The following SLC4A11 variants were observed in gnomAD, a reference collection of about 807,000 sequenced individuals.
SLC4A11 encodes the protein bicarbonate transporter related protein 1.
A neutral mutation model predicts 95.0 loss-of-function variants in SLC4A11; 74 were observed. That is an observed-to-expected ratio of 0.78 (90% CI 0.65 to 0.95). SLC4A11 has a LOEUF of 0.95. Among genes scored for constraint, SLC4A11 ranks in the 40% least tolerant of loss-of-function variants. The pLI, the probability that SLC4A11 is intolerant of heterozygous loss-of-function variation, is 0.00. For missense variants in SLC4A11, 1,081 were observed against 1,192.4 expected (o/e 0.91, Z 1.38); for synonymous variants, 548 against 519.0 (o/e 1.06, Z -0.76).
At chr20:3,238,897 C>A (rs2068071962) in intron 1 of SLC4A11, 198 bp downstream of exon 1, 2 of 1,252,890 alleles carry the variant, frequency 1.6e-6, no homozygotes, top group Admixed American at 4.4e-5. Context: ...ACCAAGCGCG[C>A]GGTGGCCGCG....
Position 3,234,372 on chromosome 20 carries a change from C to G in SLC4A11, c.292-58G>C. The G allele has an allele frequency of 1.3e-6, 2 of 1,555,954 alleles. No individual in the cohort carries two copies. Among genetic ancestry groups the G allele is most frequent in the South Asian group, 2.2e-5 (2 of 89,526 alleles). On this transcript the variant is annotated intron_variant, in intron 4 of 19. Transcript: ENST00000642402. The surrounding 1 kb of genome is among the most constrained non-coding windows in gnomAD (Gnocchi z 5.8). The stretch of plus-strand genomic sequence containing the variant: ...CCCATGTATGAGATGCTGTCACTGC[C>G]TGGTCCCTCCCTCCCAGCCAGCCGC...
chr20:3,234,778 C>G lies in SLC4A11; in HGVS notation c.205G>C (p.Val69Leu), dbSNP rs763440662. The change falls in exon 3 of 20, where the codon GTC becomes CTC. Residue 69 changes from valine (V) to leucine (L), a missense_variant. Around this residue, in one of 3 missense-constraint regions of SLC4A11, gnomAD observed 310 missense variants for 313.5 expected, o/e 0.99. Transcript: ENST00000642402. The surrounding 1 kb of genome is among the most constrained non-coding windows in gnomAD (Gnocchi z 5.8). ...GCCTGCATCTCAAGGTTGACATTGA[C>G]AAAAAAACGGATACTCTCGCCAGAC... Reference protein sequence around the residue: ...IVSGESIRFFVNVNLEMQATN... With the variant: ...IVSGESIRFFLNVNLEMQATN... The G allele has an allele frequency of 2.5e-6, 4 of 1,613,754 alleles. No homozygotes were observed. The East Asian group carries it at 8.9e-5, about 36-fold the overall frequency.
At chr20:3,235,741 C>G (rs2067962331) in intron 2 of SLC4A11, among the ~76,000 whole-genome samples, 1 of 152,064 alleles carries the variant, frequency 6.6e-6, no homozygotes, top group African/African-American at 2.4e-5. Context: ...GCCCTGAGCC[C>G]TGCAGTGGCT....
chr20:3,233,811 C>T (rs542870391), intron 6 of SLC4A11, 110 bp downstream of exon 6: 24 of 1,514,630 alleles, frequency 1.6e-5, no homozygotes, highest in South Asian at 3.4e-5. Context: ...TTGGTTGGGC[C>T]GCCAGAGCCC....
intron 7 of SLC4A11, among the ~76,000 whole-genome samples, chr20:3,232,621 G>A (rs1056369705): frequency 2.0e-5 from 3 of 152,250 alleles, no homozygotes; most frequent in African/African-American, 4.8e-5. Flanking sequence ...GCTGAGGCGG[G>A]AGAATCGCTT....
At chr20:3,236,658 C>T (rs1204159067) in intron 2 of SLC4A11, among the ~76,000 whole-genome samples, 1 of 152,134 alleles carries the variant, frequency 6.6e-6, no homozygotes, top group East Asian at 1.9e-4. Flanking sequence ...TGATAAACTC[C>T]TTCCTCCCCG....
In SLC4A11 at chr20:3,228,932, G is replaced by A. The variant is rs1490995726; in HGVS notation, c.2098C>T (p.Pro700Ser). The change falls in exon 17 of 20, where the codon CCT becomes TCT. Residue 700 changes from proline (P) to serine (S), a missense_variant. By Grantham distance (74) the Pro-to-Ser change is moderately conservative. Transcript: ENST00000642402. ...INTGLSLFGL[P>S]WIHAAYPHSP... ...TGGGGGTAGGCGGCATGGATCCAAG[G>A]CAGCCCAAACAGAGACAGCCCTGTG... The A allele has an allele frequency of 1.2e-6, 2 of 1,613,978 alleles. No individual in the cohort carries two copies. The highest frequency in any genetic ancestry group is 1.1e-5 in the South Asian group (1 of 91,080).
At position 3,228,579 on chromosome 20, in the gene SLC4A11, T is replaced by C. The variant is rs1284332406; in HGVS notation, c.2321A>G (p.Tyr774Cys). The change falls in exon 18 of 20, where the codon TAC becomes TGC. Residue 774 changes from tyrosine to cysteine, a missense_variant. Coordinates refer to ENST00000642402, the MANE Select transcript of SLC4A11 (RefSeq NM_001174089.2). ...GCCATCGAGGGAGGTGAGCGCGATG[T>C]AGAGGAAGAGGCCATAGAGCACGGG... ...PKPVLYGLFL[Y>C]IALTSLDGNQ... The C allele has an allele frequency of 6.2e-7, 1 of 1,613,116 alleles. No homozygotes were observed. The highest frequency in any genetic ancestry group is 8.5e-7 in the Non-Finnish European group (1 of 1,179,970).
In SLC4A11 at chr20:3,231,278, C is replaced by G; in HGVS notation, c.949-36G>C. On this transcript the variant is annotated intron_variant, in intron 8 of 19. Transcript: ENST00000642402. This position sits in a 1 kb window ranked among gnomAD's most constrained non-coding sequence, Gnocchi z 5.2. ...GGACAGAGCGCCTGTTAGCCCTGTC[C>G]GGCCCATGCCCCCGCCGACCCTGCC... 3.1e-6 allele frequency: 5 copies of G among 1,613,404 alleles called. No homozygotes were observed. The highest frequency in any genetic ancestry group is 3.4e-6 in the Non-Finnish European group (4 of 1,179,868).
Position 3,234,916 on chromosome 20 carries a change from A to G in SLC4A11, c.89-22T>C. ...TAGCCTAGAGACCCCCAAGAGCAAG[A>G]GGGCCTGGCTGTTAAAGTGCCACAC... On this transcript the variant is annotated intron_variant, in intron 2 of 19. Coordinates refer to ENST00000642402, the MANE Select transcript of SLC4A11 (RefSeq NM_001174089.2). The surrounding 1 kb of genome is among the most constrained non-coding windows in gnomAD (Gnocchi z 5.8). 2 of 1,613,650 alleles carry G rather than the reference A, an allele frequency of 1.2e-6. No homozygotes were observed. The highest frequency in any genetic ancestry group is 1.7e-6 in the Non-Finnish European group (2 of 1,179,946).
In SLC4A11 at chr20:3,228,655, C is replaced by A. The variant is rs1157108936; in HGVS notation, c.2245G>T (p.Val749Leu). The A allele has an allele frequency of 6.2e-7, 1 of 1,613,004 alleles. No homozygotes were observed. Among genetic ancestry groups the A allele is most frequent in the Non-Finnish European group, 8.5e-7 (1 of 1,179,930 alleles). ...RLTSLGASVL[V>L]GLSLLLLPVP... The stretch of plus-strand genomic sequence containing the variant: ...GGCAGCAGCAACAGGGACAGGCCCA[C>A]CAGGACGCTGGCGCCCAGCGAGGTC... Residue 749 changes from valine to leucine, a missense_variant, in exon 18 of 20, where the codon GTG (valine) becomes TTG (leucine). By Grantham distance (32) the Val-to-Leu change is conservative. Coordinates refer to ENST00000642402, the MANE Select transcript of SLC4A11 (RefSeq NM_001174089.2).
chr20:3,232,773 T>C (rs981646506), intron 7 of SLC4A11, among the ~76,000 whole-genome samples: 4 of 152,198 alleles, frequency 2.6e-5, no homozygotes, highest in Non-Finnish European at 4.4e-5. Flanking sequence ...AACTAGTCCA[T>C]GCTCCTGAGG....
At chr20:3,233,399 G>T in intron 7 of SLC4A11, 115 bp downstream of exon 7, 1 of 1,497,246 alleles carries the variant, frequency 6.7e-7, no homozygotes, top group Non-Finnish European at 9.2e-7. Flanking sequence ...CCGAGGCGAA[G>T]GGGAGGGTGA....
intron 2 of SLC4A11, among the ~76,000 whole-genome samples, chr20:3,235,689 T>G (rs1436024864): frequency 1.3e-5 from 2 of 152,032 alleles, no homozygotes; most frequent in African/African-American, 4.8e-5. Flanking sequence ...CACACCCCTC[T>G]TCCTACAGGA....
In SLC4A11 at chr20:3,234,777, A is replaced by G; in HGVS notation, c.206T>C (p.Val69Ala). ...IVSGESIRFFVNVNLEMQATN... is the reference protein window; with the variant it reads ...IVSGESIRFFANVNLEMQATN... Reference sequence around the variant, plus strand: ...GGCCTGCATCTCAAGGTTGACATTGACAAAAAAACGGATACTCTCGCCAGA... The same window carrying G: ...GGCCTGCATCTCAAGGTTGACATTGGCAAAAAAACGGATACTCTCGCCAGA... The change falls in exon 3 of 20, where the codon GTC becomes GCC. Residue 69 changes from valine (V) to alanine (A), a missense_variant. This residue lies in a region of SLC4A11 where 310 missense variants were observed against 313.5 expected (regional missense o/e 0.99). Coordinates refer to ENST00000642402, the MANE Select transcript of SLC4A11 (RefSeq NM_001174089.2). This position sits in a 1 kb window ranked among gnomAD's most constrained non-coding sequence, Gnocchi z 5.8. 1.2e-6 allele frequency: 2 copies of G among 1,613,948 alleles called. No homozygotes were observed. The highest frequency in any genetic ancestry group is 1.7e-6 in the Non-Finnish European group (2 of 1,179,988).
intron 1 of SLC4A11, chr20:3,238,767 G>A (rs555375846): frequency 9.0e-7 from 1 of 1,111,428 alleles, no homozygotes; most frequent in East Asian, 4.8e-5. Flanking sequence ...CGGCGCTCGG[G>A]GCGCTGGGAG....
At chr20:3,238,070 G>T (rs1325739685) in intron 1 of SLC4A11, 17 of 1,476,878 alleles carry the variant, frequency 1.2e-5, no homozygotes, top group Non-Finnish European at 1.4e-5. Flanking sequence ...CCCATTGCAG[G>T]CGCAGTTCCC....
At position 3,233,907 on chromosome 20, in the gene SLC4A11, G is replaced by C; in HGVS notation, c.605+14C>G. ...CTGCGACAAGAAGGGGGGCCAAGTG[G>C]CCTGGCAACTCACATGATGCAGAGC... On this transcript the variant is annotated intron_variant, in intron 6 of 19. Transcript: ENST00000642402. 18 of 1,611,940 alleles carry C rather than the reference G, an allele frequency of 1.1e-5. No homozygotes were observed. Among genetic ancestry groups the C allele is most frequent in the Non-Finnish European group, 1.5e-5 (18 of 1,179,842 alleles).
At chr20:3,229,851 A>C in intron 13 of SLC4A11, 75 bp from the exon 14 acceptor site, 118 of 1,587,026 alleles carry the variant, frequency 7.4e-5, no homozygotes, top group Middle Eastern at 1.8e-4. Flanking sequence ...AGGGGATCTC[A>C]GGGAGAAAGG....
Sources: gnomAD v4.1 joint callset for allele counts (sites outside exome capture counted in the v4.1 genomes callset) on GRCh38, gnomAD v4.1.1 for gene constraint, gnomAD v4.1.1 regional missense constraint, Gnocchi (gnomAD v3.1) non-coding constraint, MANE v1.5 for transcripts, NCBI Gene and HGNC (gene_info 2026-07-23, HGNC 2026-07-21) for gene names.